The following NCOA3 variants were observed in gnomAD, a reference collection of about 807,000 sequenced individuals.
NCOA3 encodes the protein CBP-interacting protein.
Under a neutral mutation model 158.8 loss-of-function variants are expected in NCOA3, and 51 were observed. The observed-to-expected ratio is 0.32, with a 90% confidence interval of 0.26 to 0.41. NCOA3 has a LOEUF of 0.41. Among genes scored for constraint, NCOA3 ranks in the 10% least tolerant of loss-of-function variants. The pLI is 1.00. For missense variants in NCOA3, 1,510 were observed against 1,746.6 expected (o/e 0.86, Z 2.41); for synonymous variants, 537 against 592.4 (o/e 0.91, Z 1.36).
chr20:47,587,851 A>G (rs566233814), intron 2 of NCOA3, among the ~76,000 whole-genome samples: 23 of 152,290 alleles, frequency 1.5e-4, no homozygotes, highest in Non-Finnish European at 3.1e-4. Context: ...TTCCATGTCT[A>G]CAGGGTTCTT....
intron 1 of NCOA3, among the ~76,000 whole-genome samples, chr20:47,514,508 C>T (rs1054217802): frequency 9.2e-5 from 14 of 152,050 alleles, no homozygotes; most frequent in African/African-American, 3.4e-4. Flanking sequence ...ATGTCTCAGC[C>T]TCTGGAGTAG....
intron 1 of NCOA3, among the ~76,000 whole-genome samples, chr20:47,540,724 TA>T: frequency 6.6e-6 from 1 of 152,258 alleles, no homozygotes; most frequent in South Asian, 2.1e-4. Flanking sequence ...ACATGAAAGA[TA>T]ACTAGAGAAG....
intron 1 of NCOA3, among the ~76,000 whole-genome samples, chr20:47,506,475 G>T (rs985073079): frequency 6.6e-6 from 1 of 152,106 alleles, no homozygotes; most frequent in Non-Finnish European, 1.5e-5. Context: ...GTAGAAGGCC[G>T]ATTTATCCAC....
At chr20:47,633,890 G>C (rs982405503) in intron 9 of NCOA3, 158 bp from the exon 10 acceptor site, 59 of 965,856 alleles carry the variant, frequency 6.1e-5, no homozygotes, top group Non-Finnish European at 8.8e-5. Flanking sequence ...AATGATGCCT[G>C]AGTGTTCTTA....
rs141220867 is a variant in NCOA3 at position 47,613,863 on chromosome 20, G to A, written c.-19-8366G>A. Among the ~76,000 whole-genome samples the A allele has an allele frequency of 3.9e-3, 590 of 151,280 alleles. 3 individuals are homozygous for A. Among genetic ancestry groups the A allele is most frequent in the African/African-American group, 0.014 (565 of 41,216 alleles). ...GAGGCGGAGGTTGCACTGAGATTGC[G>A]CTACTGCACTCTAGCCTGGGCGACA... On this transcript the variant is annotated intron_variant, in intron 2 of 22. Coordinates refer to ENST00000371998, the MANE Select transcript of NCOA3 (RefSeq NM_181659.3).
chr20:47,520,366 C>T (rs1418563544), intron 1 of NCOA3, among the ~76,000 whole-genome samples: 8 of 152,190 alleles, frequency 5.3e-5, no homozygotes, highest in Non-Finnish European at 1.0e-4. Context: ...CTTTCCCTGC[C>T]TCTGCCAGCC....
chr20:47,518,036 G>A (rs2084263455), intron 1 of NCOA3, among the ~76,000 whole-genome samples: 1 of 152,000 alleles, frequency 6.6e-6, no homozygotes, highest in Non-Finnish European at 1.5e-5. Flanking sequence ...ACTGACTCGA[G>A]GGTTGAATTC....
chr20:47,635,742 T>A (rs759730630), intron 11 of NCOA3, 29 bp downstream of exon 11: 3 of 1,571,324 alleles, frequency 1.9e-6, no homozygotes, highest in Non-Finnish European at 2.6e-6. Context: ...CCTTTTATTT[T>A]TTTTCTTTTT....
chr20:47,625,430 T>C lies in NCOA3; in HGVS notation c.306T>C (p.Ser102=). 1 of 1,613,908 alleles carries C rather than the reference T, an allele frequency of 6.2e-7. No homozygotes were observed. The change falls in exon 5 of 23, where the codon TCT becomes TCC. Residue 102 remains serine (S), a synonymous_variant. Coordinates refer to ENST00000371998, the MANE Select transcript of NCOA3 (RefSeq NM_181659.3). ...DDDVQKADVS[S]TGQGVIDKDS... is the part of the protein sequence containing the mutation. ...ATGTTCAAAAAGCCGATGTATCTTC[T>C]ACAGGGCAGGGAGTTATTGATAAAG...
At chr20:47,607,051 G>T (rs1000502084) in intron 2 of NCOA3, among the ~76,000 whole-genome samples, 1 of 152,178 alleles carries the variant, frequency 6.6e-6, no homozygotes, top group Non-Finnish European at 1.5e-5. Flanking sequence ...TTATCTAAAT[G>T]ACCCGGTGTT....
chr20:47,651,418 A>T, intron 20 of NCOA3, 142 bp downstream of exon 20: 1 of 1,342,606 alleles, frequency 7.4e-7, no homozygotes, highest in Non-Finnish European at 9.9e-7. Context: ...AATTTAAATG[A>T]TTGGAAAACA....
At position 47,635,480 on chromosome 20, in the gene NCOA3, C is replaced by A; in HGVS notation, c.1271C>A (p.Thr424Asn). Residue 424 changes from threonine (T) to asparagine (N), a missense_variant, in exon 11 of 23, where the codon ACC (threonine) becomes AAC (asparagine). Thr to Asn is a moderately conservative substitution (Grantham distance 65, BLOSUM62 0). This residue lies in a region of NCOA3 where 1,017 missense variants were observed against 1,098.3 expected (regional missense o/e 0.93). Transcript: ENST00000371998. ...SRAYGLADPS[T>N]TGQMSGARYG... The stretch of plus-strand genomic sequence containing the variant: ...GCCTATGGCTTGGCAGACCCTAGCA[C>A]CACAGGGCAGATGAGTGGAGCTAGG... 1.2e-6 allele frequency: 2 copies of A among 1,614,042 alleles called. No homozygotes were observed. The highest frequency in any genetic ancestry group is 8.5e-7 in the Non-Finnish European group (1 of 1,180,008).
At chr20:47,526,115 C>T (rs1456363701) in intron 1 of NCOA3, among the ~76,000 whole-genome samples, 2 of 150,178 alleles carry the variant, frequency 1.3e-5, no homozygotes, top group South Asian at 2.1e-4. Context: ...CTCCTCACAT[C>T]CCGGACGGGG....
chr20:47,638,872 T>G (rs2086559918), intron 13 of NCOA3, 136 bp from the exon 14 acceptor site: 1 of 725,426 alleles, frequency 1.4e-6, no homozygotes, highest in Non-Finnish European at 2.0e-6. Context: ...TTCCCTCACT[T>G]ATTTTGTAAA....
chr20:47,544,228 T>C (rs2084790459), intron 1 of NCOA3, among the ~76,000 whole-genome samples: 1 of 151,820 alleles, frequency 6.6e-6, no homozygotes, highest in East Asian at 1.9e-4. Flanking sequence ...TTTTTTGGGG[T>C]TTATTTTGTT....
intron 2 of NCOA3, among the ~76,000 whole-genome samples, chr20:47,608,955 C>A (rs1053723824): frequency 6.6e-6 from 1 of 152,216 alleles, no homozygotes; most frequent in South Asian, 2.1e-4. Flanking sequence ...ATTTCAGGGG[C>A]ATTTAGTTGT....
chr20:47,505,240 T>C (rs751198961), intron 1 of NCOA3, among the ~76,000 whole-genome samples: 3 of 151,496 alleles, frequency 2.0e-5, no homozygotes, highest in African/African-American at 4.9e-5. Context: ...TTTGTATTTT[T>C]AGTAGAGACA....
chr20:47,609,409 C>A (rs1016671964), intron 2 of NCOA3, among the ~76,000 whole-genome samples: 1 of 152,118 alleles, frequency 6.6e-6, no homozygotes, highest in Non-Finnish European at 1.5e-5. Context: ...CTCAGATATT[C>A]TCTAATAATA....
At position 47,647,914 on chromosome 20, in the gene NCOA3, GT is replaced by G. The variant is rs1445300112; in HGVS notation, c.3546+552del. Among the ~76,000 whole-genome samples, 82 of 126,056 alleles carry G rather than the reference GT, an allele frequency of 6.5e-4. 2 individuals carry two copies. The highest frequency in any genetic ancestry group is 2.4e-3 in the African/African-American group (76 of 32,318). The allele number at this position is 126,056 out of a possible 152,430, so 82.7% of individuals were successfully genotyped here. ...TTTTTTTTGTTTGTTTGTTTGTTTT[GT>G]TTTGTTTTTTTTTTTTTGAGGTGGA... On this transcript the variant is annotated intron_variant, in intron 18 of 22. Transcript: ENST00000371998.
Sources: allele counts gnomAD v4.1 joint callset (sites outside exome capture counted in the v4.1 genomes callset), GRCh38; gene constraint gnomAD v4.1.1; regional missense constraint gnomAD v4.1.1; transcripts MANE v1.5; gene names NCBI Gene and HGNC (gene_info 2026-07-23, HGNC 2026-07-21).